The following ST8SIA2 variants were observed in gnomAD, a reference collection of about 807,000 sequenced individuals.
The protein encoded by ST8SIA2 is ST8 alpha-N-acetyl-neuraminide alpha-2,8-sialyltransferase 2.
Under a neutral mutation model 37.6 loss-of-function variants are expected in ST8SIA2, and 22 were observed. The ratio of observed to expected loss-of-function variants is 0.58; its 90% confidence interval spans 0.42 to 0.83. The LOEUF (loss-of-function observed/expected upper bound fraction) is 0.83. ST8SIA2 is among the 40% of genes least tolerant of loss of function. ST8SIA2 has a pLI of 0.00. For synonymous variants in ST8SIA2, 205 were observed against 201.2 expected (o/e 1.02, Z -0.16); for missense variants, 382 against 484.7 (o/e 0.79, Z 1.99).
rs138294287 is a variant in ST8SIA2, at chr15:92,418,919, G to A, written c.99-11130G>A. ...AATAAAGGATTTTCTGGGCCAGAAG[G>A]CTCTTAAAGATGCCCTGGGGACTCT... is the stretch of plus-strand genomic sequence containing the variant. On this transcript the variant is annotated intron_variant, in intron 1 of 5. Transcript: ENST00000268164. 2.7e-3 allele frequency among the ~76,000 whole-genome samples: 404 copies of A among 152,258 alleles called. 2 individuals carry two copies. Among genetic ancestry groups the A allele is most frequent in the African/African-American group, 9.2e-3 (381 of 41,556 alleles).
chr15:92,451,424 C>T (rs2049881142), intron 5 of ST8SIA2, among the ~76,000 whole-genome samples: 1 of 152,228 alleles, frequency 6.6e-6, no homozygotes, highest in Admixed American at 6.5e-5. Flanking sequence ...TCCTCAGCAT[C>T]CCCTCAAACA....
At chr15:92,396,627 G>C (rs1050322057) in intron 1 of ST8SIA2, among the ~76,000 whole-genome samples, 1 of 152,034 alleles carries the variant, frequency 6.6e-6, no homozygotes, top group African/African-American at 2.4e-5. Flanking sequence ...CCGAGTAGCT[G>C]GGATTACAGG....
intron 1 of ST8SIA2, chr15:92,422,323 C>A (rs2049641208): frequency 6.6e-6 from 1 of 152,238 alleles, no homozygotes; most frequent in Non-Finnish European, 1.5e-5. Context: ...TAGGCAGGTA[C>A]AAGTCCTTCA....
At chr15:92,434,810 G>A (rs1245498119) in intron 3 of ST8SIA2, among the ~76,000 whole-genome samples, 3 of 152,224 alleles carry the variant, frequency 2.0e-5, no homozygotes, top group African/African-American at 7.2e-5. Flanking sequence ...CCTTGGGCTT[G>A]TATAGGCTGC....
intron 5 of ST8SIA2, among the ~76,000 whole-genome samples, chr15:92,463,714 T>G (rs185878052): frequency 3.2e-4 from 48 of 152,342 alleles, no homozygotes; most frequent in African/African-American, 1.1e-3. Flanking sequence ...ATTGATCATC[T>G]AGCCCCTTAC....
intron 1 of ST8SIA2, among the ~76,000 whole-genome samples, chr15:92,421,702 G>A (rs1469470839): frequency 6.6e-6 from 1 of 152,222 alleles, no homozygotes; most frequent in Non-Finnish European, 1.5e-5. Flanking sequence ...GTGCTTCCTT[G>A]TATGAAAAGT....
rs569239185 is a variant in ST8SIA2, at chr15:92,448,148, C to T, written c.842+3219C>T. ...AAGCCCTTTAAACAAACAGGCTGTT[C>T]ATCCTGAGACTGCAACATCTTCAGC... On this transcript the variant is annotated intron_variant, in intron 5 of 5. Coordinates refer to ENST00000268164, the MANE Select transcript of ST8SIA2 (RefSeq NM_006011.4). 2.0e-3 allele frequency among the ~76,000 whole-genome samples: 306 copies of T among 152,306 alleles called. 2 individuals are homozygous for T. Among genetic ancestry groups the T allele is most frequent in the Non-Finnish European group, 3.5e-3 (240 of 68,034 alleles).
In ST8SIA2 at chr15:92,414,260, C is replaced by T. The variant is rs1391948327; in HGVS notation, c.99-15789C>T. Among the ~76,000 whole-genome samples, 6 of 152,228 alleles carry T rather than the reference C, an allele frequency of 3.9e-5. No individual in the cohort carries two copies. In the South Asian group the frequency reaches 6.2e-4, roughly 16 times the overall value. ...CACTCCCCTTGCCCTGACCTGGCTT[C>T]GTACCTCTGCCTCTCGGATCTGACT... On this transcript the variant is annotated intron_variant, in intron 1 of 5. Transcript: ENST00000268164.
chr15:92,394,735 A>T (rs939407823), intron 1 of ST8SIA2, among the ~76,000 whole-genome samples: 5 of 152,100 alleles, frequency 3.3e-5, no homozygotes, highest in Non-Finnish European at 1.5e-5. Flanking sequence ...AGCCCGGCGT[A>T]GGAGCTGGCA....
intron 5 of ST8SIA2, 182 bp downstream of exon 5, chr15:92,445,111 T>C (rs983990052): frequency 4.5e-6 from 4 of 894,236 alleles, no homozygotes; most frequent in Admixed American, 2.2e-5. Context: ...GTTTGGCAAG[T>C]GGGTTTCATC....
chr15:92,468,157 T>C lies in ST8SIA2; in HGVS notation c.*3772T>C, dbSNP rs2050006277. 1 of 152,668 alleles carries C rather than the reference T, an allele frequency of 6.6e-6. No homozygotes were observed. The highest frequency in any genetic ancestry group is 2.4e-5 in the African/African-American group (1 of 41,466). The allele number at this position is 152,668 out of a possible 1,614,324, so 9.5% of individuals were successfully genotyped here. ...ACAGTCTCATCTCCCAGATTACCTC[T>C]GTGCACACTGACACGTGGTCCCGTC... is the stretch of plus-strand genomic sequence containing the variant. On this transcript the variant is annotated 3_prime_UTR_variant, in exon 6 of 6. Coordinates refer to ENST00000268164, the MANE Select transcript of ST8SIA2 (RefSeq NM_006011.4).
intron 5 of ST8SIA2, among the ~76,000 whole-genome samples, chr15:92,455,228 C>A (rs945800992): frequency 2.6e-5 from 4 of 152,108 alleles, no homozygotes; most frequent in African/African-American, 9.7e-5. Flanking sequence ...GTCCCAGTCT[C>A]CTCCGGTTGA....
chr15:92,460,305 T>C (rs1195492951), intron 5 of ST8SIA2, among the ~76,000 whole-genome samples: 1 of 152,170 alleles, frequency 6.6e-6, no homozygotes, highest in Non-Finnish European at 1.5e-5. Context: ...AGGCCACACA[T>C]GGTAGTGAGA....
At chr15:92,402,037 G>A (rs946804125) in intron 1 of ST8SIA2, among the ~76,000 whole-genome samples, 1 of 152,074 alleles carries the variant, frequency 6.6e-6, no homozygotes, top group Non-Finnish European at 1.5e-5. Context: ...ATACTAAGAT[G>A]TCCTTTCTTT....
At chr15:92,446,497 A>T (rs2049843806) in intron 5 of ST8SIA2, among the ~76,000 whole-genome samples, 1 of 152,228 alleles carries the variant, frequency 6.6e-6, no homozygotes, top group African/African-American at 2.4e-5. Context: ...ATTTGTGTAC[A>T]TGTTTTAAAA....
intron 1 of ST8SIA2, among the ~76,000 whole-genome samples, chr15:92,415,915 G>A (rs561862290): frequency 5.3e-5 from 8 of 152,134 alleles, no homozygotes; most frequent in Non-Finnish European, 1.2e-4. Context: ...GGTAGGAGGT[G>A]GATGTGTGGA....
chr15:92,400,657 A>G (rs1031875496), intron 1 of ST8SIA2, among the ~76,000 whole-genome samples: 6 of 152,212 alleles, frequency 3.9e-5, no homozygotes, highest in African/African-American at 1.4e-4. Context: ...GGTAAAAACC[A>G]AAGATCTAGA....
At chr15:92,456,550 GAAGA>G (rs1299128955) in intron 5 of ST8SIA2, among the ~76,000 whole-genome samples, 1 of 152,204 alleles carries the variant, frequency 6.6e-6, no homozygotes, top group Non-Finnish European at 1.5e-5. Context: ...CTTGATAGGG[GAAGA>G]ACAACATACC....
intron 1 of ST8SIA2, among the ~76,000 whole-genome samples, chr15:92,428,380 A>G (rs916773483): frequency 2.3e-4 from 35 of 152,232 alleles, no homozygotes; most frequent in Non-Finnish European, 4.4e-4. Flanking sequence ...TTTTCTCCCA[A>G]CTCAACCACC....
Sources: gnomAD v4.1 joint callset for allele counts (sites outside exome capture counted in the v4.1 genomes callset) on GRCh38, gnomAD v4.1.1 for gene constraint, MANE v1.5 for transcripts, NCBI Gene and HGNC (gene_info 2026-07-23, HGNC 2026-07-21) for gene names.